TRPC6: variants seen among roughly 807,000 people sequenced by gnomAD.
TRPC6 encodes transient receptor potential cation channel subfamily C member 6.
In TRPC6, 55 loss-of-function variants were observed where a neutral mutation model predicts 90.7. The ratio of observed to expected loss-of-function variants is 0.61; its 90% confidence interval spans 0.49 to 0.76. The LOEUF (loss-of-function observed/expected upper bound fraction) is 0.76. Among genes scored for constraint, TRPC6 ranks in the 30% least tolerant of loss-of-function variants. TRPC6 has a pLI of 0.00. For missense variants in TRPC6, 989 were observed against 1,122.7 expected, an observed-to-expected ratio of 0.88 and a Z score of 1.70; for synonymous variants, 393 against 393.0, an observed-to-expected ratio of 1.00 and a Z score of 0.00.
At chr11:101,541,496 G>T (rs572920272) in intron 1 of TRPC6, among the ~76,000 whole-genome samples, 1 of 151,268 alleles carries the variant, frequency 6.6e-6, no homozygotes, top group Non-Finnish European at 1.5e-5. Flanking sequence ...CAAGTAGCTG[G>T]GATTACAGGC....
At chr11:101,473,243 T>G (rs1859334891) in intron 7 of TRPC6, among the ~76,000 whole-genome samples, 1 of 152,124 alleles carries the variant, frequency 6.6e-6, no homozygotes. Context: ...TGAATTTCAG[T>G]TGCCTCTTGG....
chr11:101,519,403 A>C (rs1188029824), intron 1 of TRPC6, among the ~76,000 whole-genome samples: 4 of 152,196 alleles, frequency 2.6e-5, no homozygotes, highest in Non-Finnish European at 5.9e-5. Flanking sequence ...CTTCCAGTTA[A>C]TACAACATTT....
intron 1 of TRPC6, among the ~76,000 whole-genome samples, chr11:101,566,907 C>CCA (rs1448530149): frequency 2.6e-5 from 4 of 152,204 alleles, no homozygotes; most frequent in Admixed American, 6.5e-5. Flanking sequence ...GGTGCCTATA[C>CCA]CACCAGGGCC....
At chr11:101,571,685 G>A (rs1366006230) in intron 1 of TRPC6, among the ~76,000 whole-genome samples, 1 of 152,092 alleles carries the variant, frequency 6.6e-6, no homozygotes, top group Non-Finnish European at 1.5e-5. Context: ...CAGACCAACA[G>A]AACAGAACAG....
chr11:101,490,111 CAAGT>C (rs1859770860), intron 3 of TRPC6, among the ~76,000 whole-genome samples: 1 of 151,912 alleles, frequency 6.6e-6, no homozygotes, highest in South Asian at 2.1e-4. Flanking sequence ...AAAAGTCATG[CAAGT>C]AAGCAAGCTA....
chr11:101,523,933 CCT>C (rs574134968), intron 1 of TRPC6, among the ~76,000 whole-genome samples: 17 of 152,258 alleles, frequency 1.1e-4, no homozygotes, highest in African/African-American at 3.6e-4. Context: ...CATATTGTCC[CCT>C]GTTATTCCTC....
chr11:101,566,590 G>T (rs987027010), intron 1 of TRPC6, among the ~76,000 whole-genome samples: 1 of 152,122 alleles, frequency 6.6e-6, no homozygotes, highest in African/African-American at 2.4e-5. Context: ...AAGGTTGCTG[G>T]CAAGATGACC....
intron 10 of TRPC6, among the ~76,000 whole-genome samples, chr11:101,457,507 T>A (rs1858911371): frequency 6.6e-6 from 1 of 152,212 alleles, no homozygotes; most frequent in Non-Finnish European, 1.5e-5. Context: ...TGGAGTCACC[T>A]ATTTCCCACA....
intron 1 of TRPC6, among the ~76,000 whole-genome samples, chr11:101,547,026 T>C (rs4486597): frequency 0.35 from 52,561 of 151,966 alleles, 9,349 homozygotes; most frequent in East Asian, 0.44. Context: ...ACATAAATGT[T>C]AAGTGATAAT....
chr11:101,483,077 G>T lies in TRPC6; in HGVS notation c.1382C>A (p.Ala461Glu). 1.2e-6 allele frequency: 2 copies of T among 1,614,076 alleles called. No individual in the cohort carries two copies. The highest frequency in any genetic ancestry group is 1.7e-6 in the Non-Finnish European group (2 of 1,179,956). The change falls in exon 5 of 13, where the codon GCA becomes GAA. Residue 461 changes from alanine to glutamate, a missense_variant. Ala to Glu is a moderately radical substitution (Grantham distance 107). Coordinates refer to ENST00000344327, the MANE Select transcript of TRPC6 (RefSeq NM_004621.6). ...TTTTGTGCCTTCAAATCTGTCAGCT[G>T]CATTCATGACTAGCAGTCCCAGAAA... ...TIFLGLLVMN[A>E]ADRFEGTKLL...
chr11:101,461,153 C>T (rs1858995506), intron 10 of TRPC6, among the ~76,000 whole-genome samples: 1 of 152,170 alleles, frequency 6.6e-6, no homozygotes, highest in Non-Finnish European at 1.5e-5. Flanking sequence ...TATCCACTAA[C>T]TAGGGAAGGC....
At chr11:101,544,658 C>T (rs1268389096) in intron 1 of TRPC6, among the ~76,000 whole-genome samples, 1 of 151,888 alleles carries the variant, frequency 6.6e-6, no homozygotes, top group Non-Finnish European at 1.5e-5. Context: ...CACGTTCTCA[C>T]TCATAAGTGG....
chr11:101,477,384 C>T (rs138508227), intron 5 of TRPC6, among the ~76,000 whole-genome samples: 236 of 151,880 alleles, frequency 1.6e-3, no homozygotes, highest in African/African-American at 5.5e-3. Context: ...TTGGAGGACC[C>T]GGACTAACAT....
Position 101,505,639 on chromosome 11 carries a change from A to G in TRPC6, c.171-841T>C, listed in dbSNP as rs139286690. On this transcript the variant is annotated intron_variant, in intron 1 of 12. Coordinates refer to ENST00000344327, the MANE Select transcript of TRPC6 (RefSeq NM_004621.6). The stretch of plus-strand genomic sequence containing the variant: ...TGGAGAAAATTATAATCAAGTTGTC[A>G]GGTAGGAAAAAACACTTCTATGGTG... 7.9e-5 allele frequency among the ~76,000 whole-genome samples: 12 copies of G among 152,150 alleles called. No homozygotes were observed. In the East Asian group the frequency reaches 1.7e-3, roughly 22 times the overall value.
chr11:101,505,510 G>C (rs1860240019), intron 1 of TRPC6, among the ~76,000 whole-genome samples: 1 of 152,188 alleles, frequency 6.6e-6, no homozygotes, highest in African/African-American at 2.4e-5. Flanking sequence ...GGTATAGGTA[G>C]AAAGTTTTCT....
intron 1 of TRPC6, among the ~76,000 whole-genome samples, chr11:101,505,332 A>G (rs7932871): frequency 0.46 from 69,802 of 152,068 alleles, 16,369 homozygotes; most frequent in African/African-American, 0.54. Context: ...TAGACCAAAG[A>G]GAGAGATGGG....
chr11:101,520,028 T>C (rs1860619101), intron 1 of TRPC6: 1 of 152,108 alleles, frequency 6.6e-6, no homozygotes, highest in African/African-American at 2.4e-5. Flanking sequence ...GCACACACTC[T>C]CAATTCATTC....
chr11:101,558,453 G>GCACACA (rs1555012732), intron 1 of TRPC6, among the ~76,000 whole-genome samples: 5 of 24,876 alleles, frequency 2.0e-4, no homozygotes, highest in African/African-American at 7.0e-4. Context: ...ATATACACAC[G>GCACACA]CACACATACA....
intron 2 of TRPC6, among the ~76,000 whole-genome samples, chr11:101,497,056 G>A (rs111282311): frequency 4.5e-4 from 69 of 152,300 alleles, no homozygotes; most frequent in African/African-American, 1.6e-3. Flanking sequence ...TTTGCTAACC[G>A]ATGTAAAGAA....
Sources: gnomAD v4.1 joint callset for allele counts (sites outside exome capture counted in the v4.1 genomes callset) on GRCh38, gnomAD v4.1.1 for gene constraint, MANE v1.5 for transcripts, NCBI Gene and HGNC (gene_info 2026-07-23, HGNC 2026-07-21) for gene names.